HTT: variants seen among roughly 807,000 people sequenced by gnomAD.
The protein encoded by HTT is huntington disease protein.
Under a neutral mutation model 362.3 loss-of-function variants are expected in HTT, and 104 were observed. The observed-to-expected ratio is 0.29, with a 90% CI of 0.24 to 0.34. HTT has a LOEUF of 0.34. Among genes scored for constraint, HTT ranks in the 10% least tolerant of loss-of-function variants. The probability of loss-of-function intolerance (pLI) is 1.00; values close to 1 mark genes in which losing one functional copy is unlikely to be tolerated. For missense variants in HTT, 3,301 were observed against 3,928.6 expected, an observed-to-expected ratio of 0.84 and a Z score of 4.27; for synonymous variants, 1,577 against 1,548.7, an observed-to-expected ratio of 1.02 and a Z score of -0.43.
intron 60 of HTT, 48 bp from the exon 61 acceptor site, chr4:3,233,115 G>C: frequency 6.7e-7 from 1 of 1,498,458 alleles, no homozygotes; most frequent in Non-Finnish European, 9.1e-7. Context: ...GAGCCACTGG[G>C]ACGTGAGCTC....
At chr4:3,122,726 A>G (rs932592409) in intron 9 of HTT, among the ~76,000 whole-genome samples, 163 bp from the exon 10 acceptor site, 1 of 152,210 alleles carries the variant, frequency 6.6e-6, no homozygotes, top group Non-Finnish European at 1.5e-5. Context: ...TGTAATTTTC[A>G]TATTGAAATT....
At chr4:3,185,287 G>A (rs528436072) in intron 37 of HTT, among the ~76,000 whole-genome samples, 2 of 152,324 alleles carry the variant, frequency 1.3e-5, no homozygotes, top group East Asian at 3.9e-4. Context: ...CACAGACATG[G>A]GTTAGGATTG....
chr4:3,154,593 A>T (rs1717055398), intron 27 of HTT, among the ~76,000 whole-genome samples, 174 bp downstream of exon 27: 1 of 152,280 alleles, frequency 6.6e-6, no homozygotes, highest in African/African-American at 2.4e-5. Context: ...TGATGTACAC[A>T]GACCACCTTT....
chr4:3,179,100 C>T (rs1718377132), intron 35 of HTT, among the ~76,000 whole-genome samples: 1 of 152,214 alleles, frequency 6.6e-6, no homozygotes, highest in South Asian at 2.1e-4. Flanking sequence ...GACAGGGACA[C>T]ATCCTAAGAC....
chr4:3,120,017 A>G (rs1715219344), intron 8 of HTT, among the ~76,000 whole-genome samples: 1 of 152,188 alleles, frequency 6.6e-6, no homozygotes, highest in African/African-American at 2.4e-5. Flanking sequence ...TTAGGTACAA[A>G]AGCAGGTGCA....
rs61273750 is a variant in HTT, at chr4:3,206,072, G to T, written c.5719-424G>T. On this transcript the variant is annotated intron_variant, in intron 42 of 66. Transcript: ENST00000355072. The surrounding 1 kb of genome is among the most constrained non-coding windows in gnomAD (Gnocchi z 4.6). ...GAACTATCACAAAATTGGAAAAAGAGTAATTGGAGAACCCCACTGGCTTAG... is the reference window on the plus strand; with the variant it reads ...GAACTATCACAAAATTGGAAAAAGATTAATTGGAGAACCCCACTGGCTTAG... 0.02 allele frequency among the ~76,000 whole-genome samples: 3,082 copies of T among 152,344 alleles called. 111 individuals carry two copies. The highest frequency in any genetic ancestry group is 0.07 in the African/African-American group (2,922 of 41,580).
intron 8 of HTT, among the ~76,000 whole-genome samples, chr4:3,118,728 A>T (rs1457431888): frequency 6.6e-6 from 1 of 152,202 alleles, no homozygotes; most frequent in African/African-American, 2.4e-5. Flanking sequence ...GGTGAAGGGG[A>T]AAAAAGGGTA....
intron 2 of HTT, among the ~76,000 whole-genome samples, chr4:3,098,856 T>C (rs1714001019): frequency 6.6e-6 from 1 of 152,256 alleles, no homozygotes; most frequent in Non-Finnish European, 1.5e-5. Context: ...AAACTTTTGG[T>C]AGAAAGCAGT....
In HTT at chr4:3,212,186, G is replaced by C. The variant is rs748616623; in HGVS notation, c.6628+44G>C. The C allele has an allele frequency of 2.1e-6, 3 of 1,431,986 alleles. 1 individual carries two copies. The South Asian group carries it at 3.6e-5, about 17-fold the overall frequency. 88.7% of individuals were successfully genotyped at this position (1,431,986 alleles called of 1,614,324 possible). On this transcript the variant is annotated intron_variant, in intron 48 of 66. Transcript: ENST00000355072. ...TATCTTATTTTTAAAAAGCATTCCAGGGCCAGTATAGTACTTTGCACCAAG... is the reference window on the plus strand; with the variant it reads ...TATCTTATTTTTAAAAAGCATTCCACGGCCAGTATAGTACTTTGCACCAAG...
chr4:3,212,613 A>G lies in HTT; in HGVS notation c.6678A>G (p.Ala2226=). 1.2e-6 allele frequency: 2 copies of G among 1,614,218 alleles called. 1 individual carries two copies. Among genetic ancestry groups the G allele is most frequent in the South Asian group, 2.2e-5 (2 of 91,090 alleles). Residue 2226 remains alanine, a synonymous_variant, in exon 49 of 67, where the codon GCA becomes GCG. Transcript: ENST00000355072. ...QSLPTLARAL[A]QYLVVVSKLP... ...TGCCCACTCTGGCCCGGGCCCTGGC[A>G]CAGTACCTGGTGGTGGTCTCCAAAC... is the stretch of plus-strand genomic sequence containing the variant.
At chr4:3,160,538 C>A (rs975230397) in intron 29 of HTT, 146 bp downstream of exon 29, 1 of 644,596 alleles carries the variant, frequency 1.6e-6, no homozygotes, top group African/African-American at 1.8e-5. Flanking sequence ...TCACAGGACC[C>A]AAGTCTGACT....
intron 1 of HTT, among the ~76,000 whole-genome samples, chr4:3,083,414 A>C (rs981829530): frequency 2.2e-4 from 34 of 151,944 alleles, no homozygotes; most frequent in African/African-American, 7.2e-4. Flanking sequence ...CCAGCTACTC[A>C]GGAGGCTGAG....
intron 1 of HTT, among the ~76,000 whole-genome samples, chr4:3,083,922 A>G (rs1052924939): frequency 2.6e-5 from 4 of 152,244 alleles, no homozygotes; most frequent in Non-Finnish European, 5.9e-5. Context: ...TAAACTACTC[A>G]GTAATAAAAA....
chr4:3,236,726 A>G (rs1472964433), intron 64 of HTT, among the ~76,000 whole-genome samples: 3 of 152,122 alleles, frequency 2.0e-5, no homozygotes, highest in African/African-American at 4.8e-5. Context: ...CCACACATGC[A>G]TCTTTGAGAC....
At chr4:3,126,243 G>A (rs997261556) in intron 11 of HTT, among the ~76,000 whole-genome samples, 9 of 152,000 alleles carry the variant, frequency 5.9e-5, no homozygotes, top group East Asian at 1.9e-4. Flanking sequence ...TTGTGGAGAC[G>A]GGTTTTTGCC....
At chr4:3,239,289 G>A (rs1391733147) in intron 66 of HTT, among the ~76,000 whole-genome samples, 3 of 152,196 alleles carry the variant, frequency 2.0e-5, no homozygotes, top group Admixed American at 6.5e-5. Flanking sequence ...CCGCCCACTC[G>A]CGGGCTCTGT....
intron 52 of HTT, 89 bp from the exon 53 acceptor site, chr4:3,220,090 GCCC>G: frequency 7.1e-7 from 1 of 1,415,732 alleles, no homozygotes; most frequent in Admixed American, 1.7e-5. Context: ...TGAGGAGGGA[GCCC>G]AGTGGAGAGA....
intron 26 of HTT, among the ~76,000 whole-genome samples, chr4:3,152,161 C>T (rs969476746): frequency 5.3e-5 from 8 of 150,960 alleles, no homozygotes; most frequent in South Asian, 2.1e-4. Context: ...TGGGTTGGCG[C>T]GATCTCAGCT....
chr4:3,182,537 G>C, intron 37 of HTT, 67 bp downstream of exon 37: 1 of 999,154 alleles, frequency 1.0e-6, no homozygotes, highest in South Asian at 1.3e-5. Context: ...GTGAAAGGTG[G>C]GTGGCTGGAA....
Sources: gnomAD v4.1 joint callset for allele counts (sites outside exome capture counted in the v4.1 genomes callset) on GRCh38, gnomAD v4.1.1 for gene constraint, Gnocchi (gnomAD v3.1) non-coding constraint, MANE v1.5 for transcripts, NCBI Gene and HGNC (gene_info 2026-07-23, HGNC 2026-07-21) for gene names.